The following LIMS2 variants were observed in gnomAD, a reference collection of about 807,000 sequenced individuals.
The protein encoded by LIMS2 is LIM zinc finger domain containing 2, also known as LIM and senescent cell antigen-like-containing domain protein 2.
In LIMS2, 30 loss-of-function variants were observed where a neutral mutation model predicts 45.3. The observed-to-expected ratio is 0.66, with a 90% CI of 0.50 to 0.90. LIMS2 has a LOEUF of 0.90. LIMS2 is among the 40% of genes least tolerant of loss of function. The pLI, the probability that LIMS2 is intolerant of heterozygous loss-of-function variation, is 0.00. For missense variants in LIMS2, 485 were observed against 468.7 expected (o/e 1.03, Z -0.32); for synonymous variants, 173 against 188.0 (o/e 0.92, Z 0.65).
chr2:127,664,245 C>A lies in LIMS2; in HGVS notation c.12-6683G>T. 2 of 1,204,216 alleles carry A rather than the reference C, an allele frequency of 1.7e-6. No individual in the cohort carries two copies. Among genetic ancestry groups the A allele is most frequent in the Non-Finnish European group, 2.1e-6 (2 of 967,336 alleles). 74.6% of individuals were successfully genotyped at this position (1,204,216 alleles called of 1,614,324 possible). On this transcript the variant is annotated intron_variant, in intron 1 of 9. Coordinates refer to ENST00000355119, the MANE Select transcript of LIMS2 (RefSeq NM_001161403.3). This position sits in a 1 kb window ranked among gnomAD's most constrained non-coding sequence, Gnocchi z 5.5. ...GGTCGGGTTTCCGAGGGAAGGCCTG[C>A]CCTGCCGCCGCAGCTTTCCGGCCAT...
intron 7 of LIMS2, chr2:127,640,658 C>T: frequency 1.7e-6 from 1 of 597,534 alleles, no homozygotes; most frequent in Non-Finnish European, 3.0e-6. Flanking sequence ...GCACTGTCAG[C>T]CCCATGTGCC....
intron 4 of LIMS2, chr2:127,650,741 T>C (rs1011210138): frequency 5.8e-5 from 93 of 1,607,982 alleles, no homozygotes; most frequent in Non-Finnish European, 7.5e-5. Context: ...AAAGCATGAA[T>C]GGCCTTGAAG....
At chr2:127,641,960 G>T in intron 6 of LIMS2, 89 bp downstream of exon 6, 1 of 1,438,380 alleles carries the variant, frequency 7.0e-7, no homozygotes. Flanking sequence ...CCCTGGGCTG[G>T]GAGTGTGGAG....
At chr2:127,680,179 G>T (rs182010102), upstream of LIMS2, among the ~76,000 whole-genome samples, 1,544 of 152,330 alleles carry the variant, frequency 0.01, 33 homozygotes, top group African/African-American at 0.036. Flanking sequence ...CTGCACAGCC[G>T]GAGCCCTCCC....
At chr2:127,679,282 G>A (rs1685565205), upstream of LIMS2, among the ~76,000 whole-genome samples, 1 of 152,118 alleles carries the variant, frequency 6.6e-6, no homozygotes. The surrounding 1 kb of genome is among the most constrained non-coding windows in gnomAD (Gnocchi z 5.3). Context: ...CCCCTGGGGG[G>A]AGAATGCTCT....
chr2:127,640,623 G>A, intron 7 of LIMS2: 2 of 599,000 alleles, frequency 3.3e-6, no homozygotes, highest in Admixed American at 3.0e-5. Context: ...TTCTGTACCA[G>A]AGCAAGGGAG....
At chr2:127,657,084 C>T (rs769659251) in intron 2 of LIMS2, among the ~76,000 whole-genome samples, 13 of 152,220 alleles carry the variant, frequency 8.5e-5, no homozygotes, top group Non-Finnish European at 1.2e-4. Context: ...GTGGGCCATG[C>T]GGTTGCTGTG....
At chr2:127,640,173 G>A (rs1003191339) in intron 8 of LIMS2, 28 bp from the exon 9 acceptor site, 8 of 1,612,628 alleles carry the variant, frequency 5.0e-6, no homozygotes, top group African/African-American at 2.7e-5. Context: ...GACTCAGCAG[G>A]CCTGGCTAGG....
intron 1 of LIMS2, among the ~76,000 whole-genome samples, chr2:127,666,732 A>C (rs1295588893): frequency 1.3e-5 from 2 of 152,212 alleles, no homozygotes; most frequent in Admixed American, 1.3e-4. Context: ...GGGAGGACTC[A>C]GGAAACTTAT....
Position 127,642,116 on chromosome 2 carries a change from C to G in LIMS2, c.593G>C (p.Cys198Ser), listed in dbSNP as rs776814498. 6.2e-7 allele frequency: 1 copy of G among 1,607,936 alleles called. No individual in the cohort carries two copies. Among genetic ancestry groups the G allele is most frequent in the East Asian group, 2.2e-5 (1 of 44,696 alleles). ...PCHDKMGVPI[C>S]GACRRPIEGR... ...CTCGATGGGCCGGCGGCAGGCCCCG[C>G]AGATGGGGACGCCCATCTTGTCATG... Residue 198 changes from cysteine (C) to serine (S), a missense_variant, in exon 6 of 10, where the codon TGC becomes TCC. Transcript: ENST00000355119. This position sits in a 1 kb window ranked among gnomAD's most constrained non-coding sequence, Gnocchi z 5.3.
Position 127,672,224 on chromosome 2 carries a change from T to G in LIMS2, c.11+2790A>C, listed in dbSNP as rs1350482036. Among the ~76,000 whole-genome samples, 1 of 152,102 alleles carries G rather than the reference T, an allele frequency of 6.6e-6. No homozygotes were observed. Among genetic ancestry groups the G allele is most frequent in the Non-Finnish European group, 1.5e-5 (1 of 68,014 alleles). ...GGTCCCTAGGTAGGTGGCCTTAATA[T>G]CCTCCCTGTAGAACAATGGTGATGC... On this transcript the variant is annotated intron_variant, in intron 1 of 9. Transcript: ENST00000355119. The surrounding 1 kb of genome is among the most constrained non-coding windows in gnomAD (Gnocchi z 4.9).
chr2:127,651,824 C>T, intron 4 of LIMS2: 1 of 1,449,528 alleles, frequency 6.9e-7, no homozygotes, highest in Non-Finnish European at 9.4e-7. Context: ...AGGCATCTGC[C>T]CTTTCCCCAG....
intron 4 of LIMS2, among the ~76,000 whole-genome samples, chr2:127,649,159 G>A (rs556488764): frequency 8.3e-6 from 1 of 120,818 alleles, no homozygotes; most frequent in Non-Finnish European, 1.8e-5. Context: ...GAGAGAGAGA[G>A]GAAGGTAGGA....
In LIMS2 at chr2:127,647,498, G is replaced by A. The variant is rs1025243687; in HGVS notation, c.360-4426C>T. On this transcript the variant is annotated intron_variant, in intron 4 of 9. Coordinates refer to ENST00000355119, the MANE Select transcript of LIMS2 (RefSeq NM_001161403.3). The surrounding 1 kb of genome is among the most constrained non-coding windows in gnomAD (Gnocchi z 4.3). Reference sequence around the variant, plus strand: ...GGCCCCCACCATGCCAGGCAGAGTGGTCAGTCGTACCTATGAGCTGCTCTC... The same window carrying A: ...GGCCCCCACCATGCCAGGCAGAGTGATCAGTCGTACCTATGAGCTGCTCTC... Among the ~76,000 whole-genome samples the A allele has an allele frequency of 6.6e-6, 1 of 152,160 alleles. No homozygotes were observed. The highest frequency in any genetic ancestry group is 1.5e-5 in the Non-Finnish European group (1 of 68,018).
In LIMS2 at chr2:127,642,755, C is replaced by T; in HGVS notation, c.509+168G>A. On this transcript the variant is annotated intron_variant, in intron 5 of 9. Transcript: ENST00000355119. The surrounding 1 kb of genome is among the most constrained non-coding windows in gnomAD (Gnocchi z 5.3). ...CTTCCTGCCATGGCTGCTTCCCAGC[C>T]CCCAGCCCACCTCTGCCCTGCAGCC... 1.4e-6 allele frequency: 1 copy of T among 727,930 alleles called. No individual in the cohort carries two copies. The highest frequency in any genetic ancestry group is 2.2e-6 in the Non-Finnish European group (1 of 454,928). 45.1% of individuals were successfully genotyped at this position (727,930 alleles called of 1,614,324 possible).
intron 4 of LIMS2, chr2:127,650,697 G>C: frequency 6.4e-7 from 1 of 1,570,362 alleles, no homozygotes. Flanking sequence ...ATTGTGAACT[G>C]TTTGCTTGTT....
intron 1 of LIMS2, among the ~76,000 whole-genome samples, chr2:127,662,542 T>C (rs1684736609): frequency 6.6e-6 from 1 of 150,526 alleles, no homozygotes; most frequent in African/African-American, 2.4e-5. Context: ...AAAATTAACA[T>C]GCTGCCTGTT....
In LIMS2 at chr2:127,656,702, G is replaced by A. The variant is rs529508781; in HGVS notation, c.171+701C>T. 1.9e-4 allele frequency among the ~76,000 whole-genome samples: 29 copies of A among 152,206 alleles called. No individual in the cohort carries two copies. In the East Asian group the frequency reaches 3.7e-3, roughly 19 times the overall value. On this transcript the variant is annotated intron_variant, in intron 2 of 9. Coordinates refer to ENST00000355119, the MANE Select transcript of LIMS2 (RefSeq NM_001161403.3). ...AGTGCTGGGATTACAGGCGTGAGCC[G>A]CCGCGCCCGGCCAGGTCACCTTTTC...
chr2:127,678,843 C>T (rs34274297), upstream of LIMS2, among the ~76,000 whole-genome samples: 19,592 of 152,072 alleles, frequency 0.13, 1,447 homozygotes, highest in South Asian at 0.25. The surrounding 1 kb of genome is among the most constrained non-coding windows in gnomAD (Gnocchi z 5.3). Context: ...AGATGGTGGG[C>T]GGGGCACTGT....
Sources: gnomAD v4.1 joint callset for allele counts (sites outside exome capture counted in the v4.1 genomes callset) on GRCh38, gnomAD v4.1.1 for gene constraint, Gnocchi (gnomAD v3.1) non-coding constraint, MANE v1.5 for transcripts, NCBI Gene and HGNC (gene_info 2026-07-23, HGNC 2026-07-21) for gene names.